Variants in ACACA observed in about 807,000 individuals in gnomAD.
The protein encoded by ACACA is acetyl-CoA carboxylase 1.
A neutral mutation model predicts 296.1 loss-of-function variants in ACACA; 103 were observed. The observed-to-expected ratio is 0.35, with a 90% CI of 0.30 to 0.41. The LOEUF (loss-of-function observed/expected upper bound fraction) is 0.41, where lower values mean the gene tolerates loss of function less well. Ranked by LOEUF, ACACA falls within the 10% of genes least tolerant of loss-of-function variation. The probability of loss-of-function intolerance (pLI) is 1.00; values close to 1 mark genes in which losing one functional copy is unlikely to be tolerated. For missense variants in ACACA, 1,554 were observed against 2,989.7 expected, an observed-to-expected ratio of 0.52 and a Z score of 11.20; for synonymous variants, 953 against 1,038.6, an observed-to-expected ratio of 0.92 and a Z score of 1.58.
At chr17:37,379,206 G>A (rs1597745064) in intron 1 of ACACA, 1 of 1,613,990 alleles carries the variant, frequency 6.2e-7, no homozygotes, top group African/African-American at 1.3e-5. Flanking sequence ...CAGTGCCTTG[G>A]CTCTGACAGC....
At position 37,179,350 on chromosome 17, in the gene ACACA, A is replaced by T. The variant is rs756702750; in HGVS notation, c.4989T>A (p.Pro1663=). ...MSTQAFLPSP[P]LPSDMLTYTE... is the part of the protein sequence containing the mutation. ...TGTAAGTCAGCATGTCAGAAGGCAG[A>T]GGGGGAGATGGAAGAAATGCTTGAG... is the stretch of plus-strand genomic sequence containing the variant. Residue 1663 remains proline, a synonymous_variant, in exon 41 of 56, where the codon CCT becomes CCA. Coordinates refer to ENST00000616317, the MANE Select transcript of ACACA (RefSeq NM_198834.3). 6.2e-7 allele frequency: 1 copy of T among 1,614,174 alleles called. No homozygotes were observed. The highest frequency in any genetic ancestry group is 1.1e-5 in the South Asian group (1 of 91,088).
intron 41 of ACACA, among the ~76,000 whole-genome samples, chr17:37,166,572 T>G (rs1286096963): frequency 6.6e-6 from 1 of 152,250 alleles, no homozygotes; most frequent in African/African-American, 2.4e-5. Flanking sequence ...ACAATAGCTA[T>G]CATAATAACT....
intron 14 of ACACA, 77 bp from the exon 15 acceptor site, chr17:37,253,113 C>CA: frequency 6.2e-7 from 1 of 1,604,014 alleles, no homozygotes; most frequent in Non-Finnish European, 8.5e-7. Context: ...TCTGTTTGGC[C>CA]AGGCATGGTG....
At chr17:37,176,402 A>G (rs1010324024) in intron 41 of ACACA, among the ~76,000 whole-genome samples, 1 of 152,224 alleles carries the variant, frequency 6.6e-6, no homozygotes, top group Non-Finnish European at 1.5e-5. Context: ...CAGAACATTA[A>G]CAGGTCAATT....
intron 29 of ACACA, among the ~76,000 whole-genome samples, chr17:37,213,577 G>C (rs1328175993): frequency 2.0e-5 from 3 of 152,086 alleles, no homozygotes; most frequent in Non-Finnish European, 2.9e-5. Context: ...AAACCAAAGA[G>C]GATGCTTTCC....
At chr17:37,335,795 C>T (rs1278096562) in intron 2 of ACACA, among the ~76,000 whole-genome samples, 1 of 152,188 alleles carries the variant, frequency 6.6e-6, no homozygotes, top group East Asian at 1.9e-4. Flanking sequence ...AACTCCCTAG[C>T]AGCAGTAGTC....
At chr17:37,119,699 C>T (rs918300419) in intron 50 of ACACA, among the ~76,000 whole-genome samples, 18 of 150,772 alleles carry the variant, frequency 1.2e-4, no homozygotes, top group African/African-American at 3.9e-4. Flanking sequence ...TCTTCCTAGA[C>T]GAGTAAGGAA....
At chr17:37,235,747 C>T (rs996724689) in intron 24 of ACACA, among the ~76,000 whole-genome samples, 1 of 152,048 alleles carries the variant, frequency 6.6e-6, no homozygotes, top group African/African-American at 2.4e-5. Context: ...CCTAGGAACG[C>T]CAAATCCAAC....
At chr17:37,309,812 G>C (rs1199973222) in intron 3 of ACACA, among the ~76,000 whole-genome samples, 2 of 152,058 alleles carry the variant, frequency 1.3e-5, no homozygotes, top group Non-Finnish European at 2.9e-5. Context: ...AGCACTTTGA[G>C]AGGTGAAGGC....
At chr17:37,333,413 A>G (rs571437660) in intron 2 of ACACA, among the ~76,000 whole-genome samples, 1 of 152,272 alleles carries the variant, frequency 6.6e-6, no homozygotes, top group Non-Finnish European at 1.5e-5. Flanking sequence ...AAGAGCCGCA[A>G]GGCAGGACCC....
intron 29 of ACACA, among the ~76,000 whole-genome samples, chr17:37,216,123 G>GAAAC (rs1337166590): frequency 2.5e-5 from 2 of 81,028 alleles, no homozygotes; most frequent in Non-Finnish European, 4.3e-5. Context: ...GGTAAAAAAG[G>GAAAC]AAACACACAC....
intron 10 of ACACA, among the ~76,000 whole-genome samples, chr17:37,268,737 C>CTATA (rs1302264722): frequency 3.3e-3 from 234 of 70,876 alleles, no homozygotes; most frequent in East Asian, 0.01. Flanking sequence ...ATCTATCTAT[C>CTATA]TATCTATATA....
intron 55 of ACACA, among the ~76,000 whole-genome samples, chr17:37,087,940 C>T (rs1473326126): frequency 6.6e-6 from 1 of 152,096 alleles, no homozygotes; most frequent in Non-Finnish European, 1.5e-5. Flanking sequence ...ACTTGCATGG[C>T]CTTAAAATGT....
intron 16 of ACACA, among the ~76,000 whole-genome samples, chr17:37,250,436 G>A (rs534024548): frequency 8.5e-5 from 13 of 152,190 alleles, no homozygotes; most frequent in South Asian, 8.3e-4. Flanking sequence ...TCAAGAGATC[G>A]AGACCATCCT....
At chr17:37,227,864 A>AG in intron 25 of ACACA, among the ~76,000 whole-genome samples, 1 of 151,764 alleles carries the variant, frequency 6.6e-6, no homozygotes, top group African/African-American at 2.4e-5. Flanking sequence ...TGTCTCAAAA[A>AG]AAAAAAAAAA....
Position 37,277,965 on chromosome 17 carries a change from T to C in ACACA, c.651A>G (p.Gly217=). 6.2e-7 allele frequency: 1 copy of C among 1,614,050 alleles called. No individual in the cohort carries two copies. Among genetic ancestry groups the C allele is most frequent in the Non-Finnish European group, 8.5e-7 (1 of 1,179,904 alleles). ...KMADHYVPVP[G]GPNNNNYANV... ...TTGCATAGTTGTTGTTGTTTGGTCC[T>C]CCAGGCACTGGCACATAGTGATCTG... is the stretch of plus-strand genomic sequence containing the variant. The change falls in exon 6 of 56, where the codon GGA becomes GGG. Residue 217 remains glycine, a synonymous_variant. Transcript: ENST00000616317.
chr17:37,275,322 C>T (rs557550443), intron 8 of ACACA, among the ~76,000 whole-genome samples: 2 of 152,018 alleles, frequency 1.3e-5, no homozygotes, highest in South Asian at 4.2e-4. Context: ...ATGGTGAAAG[C>T]CTGTCTCTAC....
intron 52 of ACACA, among the ~76,000 whole-genome samples, chr17:37,101,225 T>C (rs1315497158): frequency 6.6e-6 from 1 of 152,162 alleles, no homozygotes; most frequent in African/African-American, 2.4e-5. Flanking sequence ...CATTGGGATA[T>C]TAACAATAGG....
intron 45 of ACACA, among the ~76,000 whole-genome samples, chr17:37,131,267 G>T (rs1434143921): frequency 1.3e-5 from 2 of 152,118 alleles, no homozygotes; most frequent in East Asian, 3.9e-4. Flanking sequence ...AGGAAGAAAA[G>T]ATATTCCTGG....
Sources: allele counts gnomAD v4.1 joint callset (sites outside exome capture counted in the v4.1 genomes callset), GRCh38; gene constraint gnomAD v4.1.1; transcripts MANE v1.5; gene names NCBI Gene and HGNC (gene_info 2026-07-23, HGNC 2026-07-21).